The following UNC5D variants were observed in gnomAD, a reference collection of about 807,000 sequenced individuals.
UNC5D encodes the protein netrin receptor UNC5D.
UNC5D carries 39 observed loss-of-function variants against 105.4 expected under a neutral mutation model. The ratio of observed to expected loss-of-function variants is 0.37; its 90% CI spans 0.29 to 0.48. UNC5D has a LOEUF of 0.48. UNC5D is among the 20% of genes least tolerant of loss of function. The pLI, the probability that UNC5D is intolerant of heterozygous loss-of-function variation, is 0.98. For missense variants in UNC5D, 991 were observed against 1,202.4 expected, an observed-to-expected ratio of 0.82 and a Z score of 2.60; for synonymous variants, 452 against 450.4, an observed-to-expected ratio of 1.00 and a Z score of -0.04.
At chr8:35,526,911 C>T (rs1242155125) in intron 1 of UNC5D, among the ~76,000 whole-genome samples, 1 of 152,076 alleles carries the variant, frequency 6.6e-6, no homozygotes, top group Non-Finnish European at 1.5e-5. Context: ...CCTCCTTGAC[C>T]CTGTCTATAA....
intron 1 of UNC5D, among the ~76,000 whole-genome samples, chr8:35,318,528 C>T (rs1809474949): frequency 6.6e-6 from 1 of 152,058 alleles, no homozygotes; most frequent in African/African-American, 2.4e-5. Context: ...TCATCCATAA[C>T]ATTTTAATGA....
At chr8:35,417,795 C>T (rs974928883) in intron 1 of UNC5D, among the ~76,000 whole-genome samples, 3 of 152,052 alleles carry the variant, frequency 2.0e-5, no homozygotes, top group African/African-American at 7.2e-5. Flanking sequence ...AAACAGCCAC[C>T]CTGGTCATGT....
At chr8:35,576,379 T>G (rs1471242353) in intron 3 of UNC5D, among the ~76,000 whole-genome samples, 1 of 152,214 alleles carries the variant, frequency 6.6e-6, no homozygotes, top group Non-Finnish European at 1.5e-5. Context: ...AGGATTATTC[T>G]GTTTTGATTG....
At position 35,413,461 on chromosome 8, in the gene UNC5D, C is replaced by CT. The variant is rs556334880; in HGVS notation, c.104-135817dup. Among the ~76,000 whole-genome samples the CT allele has an allele frequency of 1.3e-3, 178 of 138,408 alleles. 3 individuals are homozygous for CT. Among genetic ancestry groups the CT allele is most frequent in the East Asian group, 4.6e-3 (22 of 4,790 alleles). 90.8% of individuals were successfully genotyped at this position (138,408 alleles called of 152,430 possible). A position where few individuals can be genotyped will look rare whatever the true frequency, so the allele number is the denominator to read the frequency against. ...GCCAGAAGCCTGAAGCCACCATGGG[C>CT]TTTTTTTTTTTTTTAACTGCGGCAT... On this transcript the variant is annotated intron_variant, in intron 1 of 16. Transcript: ENST00000404895.
chr8:35,271,772 T>G (rs1805420312), intron 1 of UNC5D, among the ~76,000 whole-genome samples: 1 of 149,270 alleles, frequency 6.7e-6, no homozygotes. Flanking sequence ...TACATATATT[T>G]ACATAGGCAC....
intron 11 of UNC5D, among the ~76,000 whole-genome samples, chr8:35,744,300 G>A (rs1341174248): frequency 6.6e-6 from 1 of 152,188 alleles, no homozygotes; most frequent in Non-Finnish European, 1.5e-5. Context: ...ATGCTAGGTG[G>A]TGTCTGCTGT....
intron 1 of UNC5D, among the ~76,000 whole-genome samples, chr8:35,337,492 A>G (rs1811132966): frequency 6.6e-6 from 1 of 152,224 alleles, no homozygotes; most frequent in Non-Finnish European, 1.5e-5. Context: ...GGATCTGTCC[A>G]GGTGGTGCAT....
chr8:35,686,805 T>C, intron 7 of UNC5D, 96 bp downstream of exon 7: 1 of 1,459,252 alleles, frequency 6.9e-7, no homozygotes, highest in Non-Finnish European at 9.1e-7. Flanking sequence ...GTTAAATAAG[T>C]TAGCAGAAAG....
intron 1 of UNC5D, among the ~76,000 whole-genome samples, chr8:35,409,176 G>A (rs1804997477): frequency 6.6e-6 from 1 of 151,714 alleles, no homozygotes; most frequent in African/African-American, 2.4e-5. Flanking sequence ...TCCAGTTTTG[G>A]GCAATTGTGA....
intron 1 of UNC5D, among the ~76,000 whole-genome samples, chr8:35,318,930 A>C (rs1809506190): frequency 6.6e-6 from 1 of 152,150 alleles, no homozygotes. Flanking sequence ...ATACTAACTT[A>C]GGAGTTTCAA....
At chr8:35,511,740 A>AAT (rs1563487429) in intron 1 of UNC5D, among the ~76,000 whole-genome samples, 2 of 146,218 alleles carry the variant, frequency 1.4e-5, no homozygotes, top group East Asian at 1.9e-4. Flanking sequence ...TAAAAAAAAA[A>AAT]TTAAAAAAAA....
intron 4 of UNC5D, among the ~76,000 whole-genome samples, chr8:35,652,079 G>C (rs1823444768): frequency 1.3e-5 from 2 of 152,094 alleles, no homozygotes; most frequent in South Asian, 4.1e-4. Flanking sequence ...ATGCCAAGTT[G>C]CTCTTATAGA....
At chr8:35,247,438 C>A (rs1393171657) in intron 1 of UNC5D, among the ~76,000 whole-genome samples, 1 of 141,022 alleles carries the variant, frequency 7.1e-6, no homozygotes, top group Non-Finnish European at 1.5e-5. Flanking sequence ...AGCTTTTGTT[C>A]CAGTTACTTA....
intron 16 of UNC5D, among the ~76,000 whole-genome samples, chr8:35,778,920 G>A (rs1426292407): frequency 6.6e-6 from 1 of 152,196 alleles, no homozygotes; most frequent in Non-Finnish European, 1.5e-5. Flanking sequence ...ATGAGAATGC[G>A]AGAAATGTCA....
At chr8:35,406,106 T>C (rs1804782915) in intron 1 of UNC5D, among the ~76,000 whole-genome samples, 3 of 152,202 alleles carry the variant, frequency 2.0e-5, no homozygotes, top group Admixed American at 2.0e-4. Flanking sequence ...TATTTCAGGC[T>C]TGATAGTAAA....
chr8:35,759,741 G>C (rs1801432702), intron 14 of UNC5D, among the ~76,000 whole-genome samples: 1 of 152,180 alleles, frequency 6.6e-6, no homozygotes, highest in Non-Finnish European at 1.5e-5. Flanking sequence ...GCTCAATATA[G>C]GTTGAAGATG....
At chr8:35,641,748 A>G (rs898705618) in intron 4 of UNC5D, among the ~76,000 whole-genome samples, 1 of 152,128 alleles carries the variant, frequency 6.6e-6, no homozygotes, top group Non-Finnish European at 1.5e-5. Flanking sequence ...GTAGCTTGGG[A>G]AAATAGGAGT....
chr8:35,275,126 T>G, intron 1 of UNC5D, among the ~76,000 whole-genome samples: 1 of 141,480 alleles, frequency 7.1e-6, no homozygotes, highest in African/African-American at 2.6e-5. Flanking sequence ...AAATATATAT[T>G]TTTATATATA....
At chr8:35,236,357 G>A (rs904237194) in intron 1 of UNC5D, among the ~76,000 whole-genome samples, 4 of 152,184 alleles carry the variant, frequency 2.6e-5, no homozygotes, top group African/African-American at 4.8e-5. Flanking sequence ...TCCCTTAGGG[G>A]AGGAACACCC....
Sources: allele counts gnomAD v4.1 joint callset (sites outside exome capture counted in the v4.1 genomes callset), GRCh38; gene constraint gnomAD v4.1.1; transcripts MANE v1.5; gene names NCBI Gene and HGNC (gene_info 2026-07-23, HGNC 2026-07-21).